The following SCAF8 variants were observed in gnomAD, a reference collection of about 807,000 sequenced individuals.
SCAF8 encodes SR-related and CTD-associated factor 8.
In SCAF8, 23 loss-of-function variants were observed where a neutral mutation model predicts 140.5. The observed-to-expected ratio is 0.16, with a 90% CI of 0.12 to 0.23. The LOEUF (loss-of-function observed/expected upper bound fraction) is 0.23. Among genes scored for constraint, SCAF8 ranks in the 10% least tolerant of loss-of-function variants. The pLI is 1.00. For synonymous variants in SCAF8, 575 were observed against 528.9 expected (o/e 1.09, Z -1.20); for missense variants, 1,397 against 1,555.7 (o/e 0.90, Z 1.72).
In SCAF8 at chr6:154,796,389, C is replaced by CTCTGTCTGTCTG. The variant is rs1554261842; in HGVS notation, c.606+1257_606+1258insGTCTGTCTGTCT. ...TCTCTCTCTCTCTCTCTCTCTCTCTCTCTGTCTCTCTCTTTTTCTGACCCT... is the reference window on the plus strand; with the variant it reads ...TCTCTCTCTCTCTCTCTCTCTCTCTCTCTGTCTGTCTGTCTGTCTCTCTCTTTTTCTGACCCT... On this transcript the variant is annotated intron_variant, in intron 6 of 19. Coordinates refer to ENST00000367178, the MANE Select transcript of SCAF8 (RefSeq NM_014892.5). Among the ~76,000 whole-genome samples the CTCTGTCTGTCTG allele has an allele frequency of 5.9e-3, 835 of 141,036 alleles. 10 individuals carry two copies. The highest frequency in any genetic ancestry group is 0.012 in the South Asian group (51 of 4,296). 92.5% of individuals were successfully genotyped at this position (141,036 alleles called of 152,430 possible).
rs34802160 is a variant in SCAF8 at position 154,832,173 on chromosome 6, G to A, written c.2594G>A (p.Ser865Asn). Reference protein sequence around the residue: ...LGIQPPSVSNSSGLLGVLPPN... With the variant: ...LGIQPPSVSNNSGLLGVLPPN... The stretch of plus-strand genomic sequence containing the variant: ...ATACAGCCACCCAGTGTGTCAAATA[G>A]TTCTGGACTTTTGGGAGTGCTACCC... Residue 865 changes from serine to asparagine, a missense_variant, in exon 20 of 20, where the codon AGT becomes AAT. By Grantham distance (46) the Ser-to-Asn change is conservative. Around this residue, in one of 5 missense-constraint regions of SCAF8, gnomAD observed 930 missense variants for 874.6 expected, o/e 1.06. Coordinates refer to ENST00000367178, the MANE Select transcript of SCAF8 (RefSeq NM_014892.5). The A allele has an allele frequency of 0.023, 37,009 of 1,613,978 alleles. 520 individuals are homozygous for A. Among genetic ancestry groups the A allele is most frequent in the Non-Finnish European group, 0.026 (30,690 of 1,179,956 alleles).
chr6:154,757,362 C>G (rs1778992684), intron 1 of SCAF8, among the ~76,000 whole-genome samples: 1 of 152,086 alleles, frequency 6.6e-6, no homozygotes, highest in African/African-American at 2.4e-5. Context: ...CAAAACTTGT[C>G]AAAAGTAAAG....
intron 11 of SCAF8, among the ~76,000 whole-genome samples, chr6:154,809,449 G>GT (rs1217874806): frequency 2.6e-5 from 4 of 152,026 alleles, no homozygotes; most frequent in African/African-American, 9.7e-5. Context: ...AACCCACCGC[G>GT]TATCACTGAA....
At chr6:154,769,798 C>A (rs1338879326) in intron 1 of SCAF8, among the ~76,000 whole-genome samples, 3 of 151,966 alleles carry the variant, frequency 2.0e-5, no homozygotes, top group Non-Finnish European at 2.9e-5. Context: ...TTTGTTCATT[C>A]TTAACAAATA....
chr6:154,795,923 A>T (rs1156332717), intron 6 of SCAF8, among the ~76,000 whole-genome samples: 1 of 152,160 alleles, frequency 6.6e-6, no homozygotes, highest in Non-Finnish European at 1.5e-5. Flanking sequence ...CAAATTTCTT[A>T]GATTTATTTC....
In SCAF8 at chr6:154,808,752, G is replaced by A. The variant is rs781191546; in HGVS notation, c.1180G>A (p.Val394Met). The change falls in exon 11 of 20, where the codon GTG becomes ATG. Residue 394 changes from valine to methionine, a missense_variant. Around this residue, in one of 5 missense-constraint regions of SCAF8, gnomAD observed 339 missense variants for 407.5 expected, o/e 0.83. Transcript: ENST00000367178. Reference sequence around the variant, plus strand: ...GGTCTTTGAACAAGAAGCTAAGAAAGTGGCGGTTCGCTCAAGATCAAGAAC... The same window carrying A: ...GGTCTTTGAACAAGAAGCTAAGAAAATGGCGGTTCGCTCAAGATCAAGAAC... ...EEVFEQEAKKVAVRSRSRTHS... is the reference protein window; with the variant it reads ...EEVFEQEAKKMAVRSRSRTHS... The A allele has an allele frequency of 1.9e-6, 3 of 1,613,966 alleles. No individual in the cohort carries two copies. Among genetic ancestry groups the A allele is most frequent in the South Asian group, 1.1e-5 (1 of 91,068 alleles).
chr6:154,822,797 CA>C (rs1402310365), intron 16 of SCAF8, among the ~76,000 whole-genome samples: 8 of 151,988 alleles, frequency 5.3e-5, no homozygotes, highest in Non-Finnish European at 8.8e-5. Context: ...GTTTATTGAA[CA>C]AATATTTATT....
intron 12 of SCAF8, among the ~76,000 whole-genome samples, chr6:154,814,209 C>T (rs1332148604): frequency 6.6e-6 from 1 of 152,154 alleles, no homozygotes; most frequent in African/African-American, 2.4e-5. Flanking sequence ...CCTGTAGTCC[C>T]AGTTACTCGC....
chr6:154,807,944 A>G (rs930290038), intron 9 of SCAF8, 126 bp from the exon 10 acceptor site: 19 of 759,860 alleles, frequency 2.5e-5, no homozygotes, highest in Middle Eastern at 2.6e-4. Context: ...ATGATTTAAC[A>G]TGGAATTTCT....
intron 1 of SCAF8, among the ~76,000 whole-genome samples, chr6:154,764,656 A>G (rs1030421368): frequency 1.3e-5 from 2 of 152,140 alleles, no homozygotes; most frequent in African/African-American, 4.8e-5. Context: ...AAGTAGACTG[A>G]TAAGATGGAA....
At chr6:154,814,432 G>C (rs1475750369) in intron 12 of SCAF8, among the ~76,000 whole-genome samples, 1 of 152,186 alleles carries the variant, frequency 6.6e-6, no homozygotes, top group African/African-American at 2.4e-5. Flanking sequence ...TGCAGGGAAA[G>C]AACAATGACC....
chr6:154,832,935 A>G lies in SCAF8; in HGVS notation c.3356A>G (p.Glu1119Gly), dbSNP rs753626719. ...VYGGPKGLHE[E>G]RGRFRSGNYR... ...GGTGGTCCAAAAGGCTTACATGAAG[A>G]AAGAGGTAGATTTCGGTCTGGAAAC... The change falls in exon 20 of 20, where the codon GAA becomes GGA. Residue 1119 changes from glutamate to glycine, a missense_variant. This residue lies in a region of SCAF8 where 930 missense variants were observed against 874.6 expected (regional missense o/e 1.06). Transcript: ENST00000367178. The G allele has an allele frequency of 1.9e-6, 3 of 1,614,124 alleles. No homozygotes were observed. The highest frequency in any genetic ancestry group is 2.5e-6 in the Non-Finnish European group (3 of 1,180,000).
intron 6 of SCAF8, among the ~76,000 whole-genome samples, chr6:154,798,239 G>A (rs1353646135): frequency 4.6e-5 from 7 of 151,534 alleles, no homozygotes. Context: ...AAGGGCTTTG[G>A]AAATCCAGAA....
chr6:154,786,115 T>C (rs1297282268), intron 3 of SCAF8, among the ~76,000 whole-genome samples: 1 of 152,216 alleles, frequency 6.6e-6, no homozygotes, highest in African/African-American at 2.4e-5. Flanking sequence ...GGAGTTTTAT[T>C]ATTACTCAAA....
At chr6:154,776,097 C>T (rs973887187) in intron 2 of SCAF8, among the ~76,000 whole-genome samples, 1 of 151,976 alleles carries the variant, frequency 6.6e-6, no homozygotes, top group African/African-American at 2.4e-5. Flanking sequence ...TCATCCTTAA[C>T]ATTTTAACGT....
At chr6:154,811,883 G>A (rs11966223) in intron 12 of SCAF8, among the ~76,000 whole-genome samples, 9,228 of 152,004 alleles carry the variant, frequency 0.061, 799 homozygotes, top group African/African-American at 0.2. Context: ...CTTTTTTATG[G>A]CTGCATAGTA....
intron 3 of SCAF8, among the ~76,000 whole-genome samples, chr6:154,780,584 C>T (rs1248884013): frequency 6.6e-6 from 1 of 151,000 alleles, no homozygotes; most frequent in Non-Finnish European, 1.5e-5. Flanking sequence ...CATGTGTTGT[C>T]ATTGTTCAAC....
chr6:154,796,383 C>G (rs1054683281), intron 6 of SCAF8, among the ~76,000 whole-genome samples: 2 of 144,022 alleles, frequency 1.4e-5, no homozygotes, highest in Non-Finnish European at 3.0e-5. Flanking sequence ...CTCTCTCTCT[C>G]TCTCTCTCTG....
intron 1 of SCAF8, among the ~76,000 whole-genome samples, chr6:154,757,395 A>G (rs1778994272): frequency 6.6e-6 from 1 of 152,206 alleles, no homozygotes; most frequent in African/African-American, 2.4e-5. Context: ...AATTAAGAGA[A>G]ATTTATATCA....
Sources: gnomAD v4.1 joint callset for allele counts (sites outside exome capture counted in the v4.1 genomes callset) on GRCh38, gnomAD v4.1.1 for gene constraint, gnomAD v4.1.1 regional missense constraint, MANE v1.5 for transcripts, NCBI Gene and HGNC (gene_info 2026-07-23, HGNC 2026-07-21) for gene names.